Variants in NCR1 observed in about 807,000 individuals in gnomAD.
The protein encoded by NCR1 is natural cytotoxicity triggering receptor 1, also known as NK cell-activating receptor.
A neutral mutation model predicts 32.5 loss-of-function variants in NCR1; 30 were observed. The ratio of observed to expected loss-of-function variants is 0.92; its 90% confidence interval spans 0.69 to 1.25. NCR1 has a LOEUF of 1.25. Among genes scored for constraint, NCR1 ranks in the 50% most tolerant of loss-of-function variants. NCR1 has a pLI of 0.00. For synonymous variants in NCR1, 169 were observed against 143.4 expected (o/e 1.18, Z -1.28); for missense variants, 369 against 380.7 (o/e 0.97, Z 0.26).
chr19:54,929,342 G>A, the NCR1 span, among the ~76,000 whole-genome samples: 1 of 152,094 alleles, frequency 6.6e-6, no homozygotes, highest in Non-Finnish European at 1.5e-5. Context: ...TCCAGCCTGG[G>A]TGACAAAGCG....
chr19:54,925,555 G>A, the NCR1 span, among the ~76,000 whole-genome samples: 18 of 151,984 alleles, frequency 1.2e-4, no homozygotes, highest in Admixed American at 2.0e-4. Flanking sequence ...CCTGCAATCC[G>A]GGTACTTTGT....
chr19:54,915,545 G>A (rs764182692), downstream of NCR1, among the ~76,000 whole-genome samples: 3 of 152,084 alleles, frequency 2.0e-5, no homozygotes, highest in Admixed American at 6.6e-5. Flanking sequence ...TCAGCTACTC[G>A]GGAGGCTGAG....
At chr19:54,908,047 GC>G (rs2067726632) in intron 3 of NCR1, among the ~76,000 whole-genome samples, 2 of 151,772 alleles carry the variant, frequency 1.3e-5, no homozygotes, top group Admixed American at 1.3e-4. Flanking sequence ...GGGGGATTTG[GC>G]AGGGTCATAG....
the NCR1 span, chr19:54,936,325 G>A: frequency 1.7e-4 from 274 of 1,613,884 alleles, no homozygotes; most frequent in South Asian, 8.3e-4. Context: ...ATCATCGTGC[G>A]TTCCCACTCG....
upstream of NCR1, among the ~76,000 whole-genome samples, chr19:54,901,423 A>T (rs1480052674): frequency 6.6e-6 from 1 of 150,932 alleles, no homozygotes; most frequent in Non-Finnish European, 1.5e-5. Flanking sequence ...CACTTAAGTG[A>T]TTGAATCACG....
chr19:54,909,934 C>CA (rs11345154), intron 4 of NCR1, 84 bp from the exon 5 acceptor site: 213,851 of 603,026 alleles, frequency 0.35, 18,117 homozygotes, highest in Non-Finnish European at 0.38. Context: ...GACTCCATCT[C>CA]AAAAAAAAAA....
upstream of NCR1, among the ~76,000 whole-genome samples, chr19:54,903,866 T>C (rs1180936620): frequency 4.0e-5 from 6 of 151,708 alleles, no homozygotes; most frequent in African/African-American, 1.2e-4. Context: ...GGCTCACACC[T>C]GTAATCCCAG....
the NCR1 span, among the ~76,000 whole-genome samples, chr19:54,931,017 C>T: frequency 4.6e-5 from 7 of 151,934 alleles, no homozygotes; most frequent in Admixed American, 1.3e-4. Flanking sequence ...AGCGAGACTC[C>T]GTCTCAAGAA....
the NCR1 span, chr19:54,938,197 C>G: frequency 1.2e-6 from 2 of 1,613,916 alleles, no homozygotes. Context: ...GCGAAGAGAG[C>G]GAAGATCCTG....
the NCR1 span, among the ~76,000 whole-genome samples, chr19:54,935,909 T>C: frequency 6.7e-6 from 1 of 149,588 alleles, no homozygotes; most frequent in Non-Finnish European, 1.5e-5. Flanking sequence ...CCCAAACCCG[T>C]CTGTGGAAAA....
chr19:54,916,841 A>G (rs1687493031), downstream of NCR1, among the ~76,000 whole-genome samples: 6 of 147,308 alleles, frequency 4.1e-5, no homozygotes, highest in South Asian at 1.4e-3. Context: ...AGTCGCTGGG[A>G]TTACTGAGCC....
At chr19:54,926,915 TTAAAA>T in the NCR1 span, among the ~76,000 whole-genome samples, 39,801 of 130,648 alleles carry the variant, frequency 0.3, 6,560 homozygotes, top group East Asian at 0.5. Flanking sequence ...GACTCTGTCT[TTAAAA>T]AAAAAAAAAA....
chr19:54,904,531 C>CTTTTTTTTTTTTTTTTTTTTTTT (rs1556717280), upstream of NCR1, among the ~76,000 whole-genome samples: 5 of 118,994 alleles, frequency 4.2e-5, no homozygotes, highest in East Asian at 2.5e-4. Context: ...GTTTTCTTTT[C>CTTTTTTTTTTTTTTTTTTTTTTT]TTTTTTTTTT....
At chr19:54,913,308 C>T (rs147297028), downstream of NCR1, among the ~76,000 whole-genome samples, 1 of 152,260 alleles carries the variant, frequency 6.6e-6, no homozygotes, top group East Asian at 1.9e-4. Context: ...CCCGCCTTGG[C>T]CTCCCAAAGG....
Position 54,912,902 on chromosome 19 carries a change from T to G in NCR1, c.*31T>G, listed in dbSNP as rs2068049632. On this transcript the variant is annotated 3_prime_UTR_variant, in exon 7 of 7. Coordinates refer to ENST00000291890, the MANE Select transcript of NCR1 (RefSeq NM_004829.7). ...GACCATGAGACACAGTGGCCATGGGTGGATCTGAAAGCTGGTGTTGAGCCT... is the reference window on the plus strand; with the variant it reads ...GACCATGAGACACAGTGGCCATGGGGGGATCTGAAAGCTGGTGTTGAGCCT... 6.2e-7 allele frequency: 1 copy of G among 1,602,508 alleles called. No individual in the cohort carries two copies. Among genetic ancestry groups the G allele is most frequent in the Non-Finnish European group, 8.5e-7 (1 of 1,172,780 alleles).
chr19:54,927,572 AAAACAAAAC>A, the NCR1 span: 10 of 1,609,210 alleles, frequency 6.2e-6, no homozygotes, highest in South Asian at 3.3e-5. Context: ...ACAAAAACAA[AAAACAAAAC>A]AAAACAAAAC....
the NCR1 span, among the ~76,000 whole-genome samples, chr19:54,928,294 G>A: frequency 7.2e-5 from 11 of 152,042 alleles, no homozygotes; most frequent in African/African-American, 2.2e-4. Context: ...CCAGCTACTC[G>A]AGAGGCAGGA....
At chr19:54,919,896 C>T (rs2068215140), downstream of NCR1, among the ~76,000 whole-genome samples, 1 of 152,188 alleles carries the variant, frequency 6.6e-6, no homozygotes, top group Non-Finnish European at 1.5e-5. Flanking sequence ...AAGGCTCGCA[C>T]TCTTGTCTTC....
chr19:54,931,249 C>G, the NCR1 span, among the ~76,000 whole-genome samples: 2 of 151,878 alleles, frequency 1.3e-5, no homozygotes, highest in Non-Finnish European at 2.9e-5. Flanking sequence ...TGGTGAAACC[C>G]CATCTCTACT....
Sources: allele counts gnomAD v4.1 joint callset (sites outside exome capture counted in the v4.1 genomes callset), GRCh38; gene constraint gnomAD v4.1.1; transcripts MANE v1.5; gene names NCBI Gene and HGNC (gene_info 2026-07-23, HGNC 2026-07-21).